Variants in CFAP57 observed in about 807,000 individuals in gnomAD.
CFAP57 encodes the protein cilia- and flagella-associated protein 57.
In CFAP57, 116 loss-of-function variants were observed where a neutral mutation model predicts 146.8. The ratio of observed to expected loss-of-function variants is 0.79; its 90% CI spans 0.68 to 0.92. The LOEUF (loss-of-function observed/expected upper bound fraction) is 0.92. CFAP57 is among the 40% of genes least tolerant of loss of function. The pLI, the probability that CFAP57 is intolerant of heterozygous loss-of-function variation, is 0.00. For missense variants in CFAP57, 1,377 were observed against 1,527.2 expected (o/e 0.90, Z 1.64); for synonymous variants, 518 against 552.8 (o/e 0.94, Z 0.88).
rs372705682 is a variant in CFAP57, at chr1:43,226,881, T to G, written c.2866-102T>G. 1.3e-4 allele frequency: 175 copies of G among 1,325,966 alleles called. 1 individual carries two copies. The African/African-American group carries it at 2.5e-3, about 19-fold the overall frequency. The allele number at this position is 1,325,966 out of a possible 1,614,324, so 82.1% of individuals were successfully genotyped here. On this transcript the variant is annotated intron_variant, in intron 17 of 22. Coordinates refer to ENST00000372492, the MANE Select transcript of CFAP57 (RefSeq NM_001378189.1). Reference sequence around the variant, plus strand: ...GGAGAGGAGTCTCCTGGTTGACCTCTTCAACCAGGAGAGTCACAGGCTTCG... The same window carrying G: ...GGAGAGGAGTCTCCTGGTTGACCTCGTCAACCAGGAGAGTCACAGGCTTCG...
intron 21 of CFAP57, among the ~76,000 whole-genome samples, chr1:43,237,620 G>A (rs1283547040): frequency 6.6e-6 from 1 of 152,224 alleles, no homozygotes; most frequent in Non-Finnish European, 1.5e-5. Context: ...GCCTTGAAGG[G>A]TGAGTAGAGG....
chr1:43,225,387 C>T (rs1190725031), intron 17 of CFAP57, among the ~76,000 whole-genome samples: 4 of 152,186 alleles, frequency 2.6e-5, no homozygotes, highest in Admixed American at 6.5e-5. Context: ...GAATCAACAC[C>T]GCTGCTGTAG....
chr1:43,199,117 A>T (rs1056108770), intron 8 of CFAP57, among the ~76,000 whole-genome samples: 2 of 152,180 alleles, frequency 1.3e-5, no homozygotes, highest in African/African-American at 4.8e-5. Context: ...GCTCTGAAAC[A>T]TGCTTCTACA....
At chr1:43,223,712 G>A (rs1391566076) in intron 16 of CFAP57, among the ~76,000 whole-genome samples, 1 of 152,178 alleles carries the variant, frequency 6.6e-6, no homozygotes, top group Non-Finnish European at 1.5e-5. Flanking sequence ...GTGGATCCCA[G>A]CTTTTCAAGA....
chr1:43,222,062 G>A (rs1645067259), intron 14 of CFAP57, 43 bp from the exon 15 acceptor site: 6 of 1,502,072 alleles, frequency 4.0e-6, no homozygotes, highest in Non-Finnish European at 5.4e-6. Context: ...CCTGAAGCAA[G>A]TGCTGCTCTC....
intron 9 of CFAP57, among the ~76,000 whole-genome samples, chr1:43,205,511 A>G (rs620418): frequency 0.25 from 38,321 of 152,132 alleles, 6,657 homozygotes; most frequent in African/African-American, 0.48. Context: ...GTGTGCACGT[A>G]TGTAAGCCCC....
Position 43,199,491 on chromosome 1 carries a change from A to G in CFAP57, c.1530A>G (p.Gly510=). The G allele has an allele frequency of 1.2e-6, 2 of 1,614,214 alleles. No homozygotes were observed. Among genetic ancestry groups the G allele is most frequent in the Non-Finnish European group, 1.7e-6 (2 of 1,180,036 alleles). Residue 510 remains glycine (G), a synonymous_variant, in exon 9 of 23, where the codon GGA becomes GGG. Coordinates refer to ENST00000372492, the MANE Select transcript of CFAP57 (RefSeq NM_001378189.1). ...TSLENISSLK[G]HTGKIRSIVW... ...TAGAGAACATCTCAAGCCTGAAAGG[A>G]CACACAGGGAAGGTAAGTGAGTGAA...
intron 16 of CFAP57, 47 bp downstream of exon 16, chr1:43,223,044 A>C: frequency 6.0e-6 from 9 of 1,512,378 alleles, no homozygotes; most frequent in South Asian, 1.3e-5. Context: ...AGGGTGTTGC[A>C]GAGAAAGCTG....
Position 43,224,150 on chromosome 1 carries a change from C to T in CFAP57, c.2811C>T (p.Asp937=), listed in dbSNP as rs1165259436. Residue 937 remains aspartate (D), a synonymous_variant, in exon 17 of 23, where the codon GAC becomes GAT. Coordinates refer to ENST00000372492, the MANE Select transcript of CFAP57 (RefSeq NM_001378189.1). Reference sequence around the variant, plus strand: ...GAGTCATTAAGTCTCTGGAGAAGGACATCCAAGGCCTCAAGCGAGAGATCC... The same window carrying T: ...GAGTCATTAAGTCTCTGGAGAAGGATATCCAAGGCCTCAAGCGAGAGATCC... ...LQGVIKSLEK[D]IQGLKREIQE... 4 of 1,550,140 alleles carry T rather than the reference C, an allele frequency of 2.6e-6. No individual in the cohort carries two copies. The highest frequency in any genetic ancestry group is 2.4e-5 in the South Asian group (2 of 83,996).
Position 43,182,363 on chromosome 1 carries a change from A to G in CFAP57, c.474+513A>G, listed in dbSNP as rs376351829. Among the ~76,000 whole-genome samples the G allele has an allele frequency of 4.6e-5, 7 of 152,258 alleles. No homozygotes were observed. In the East Asian group the frequency reaches 1.4e-3, roughly 29 times the overall value. On this transcript the variant is annotated intron_variant, in intron 3 of 22. Transcript: ENST00000372492. ...AGAAGACCCCTCAGGAACCTGATTG[A>G]TGGCTTAGGCAGGGGGTCCCAAGGA... is the stretch of plus-strand genomic sequence containing the variant.
At chr1:43,177,526 A>G (rs908359627) in intron 2 of CFAP57, among the ~76,000 whole-genome samples, 7 of 152,136 alleles carry the variant, frequency 4.6e-5, no homozygotes, top group Admixed American at 2.0e-4. Flanking sequence ...TAGGAAAGGA[A>G]TTTGAGGGTC....
chr1:43,191,352 C>T lies in CFAP57; in HGVS notation c.1122+4493C>T, dbSNP rs555564223. Among the ~76,000 whole-genome samples, 12 of 152,286 alleles carry T rather than the reference C, an allele frequency of 7.9e-5. No homozygotes were observed. The South Asian group carries it at 2.5e-3, about 32-fold the overall frequency. On this transcript the variant is annotated intron_variant, in intron 6 of 22. Coordinates refer to ENST00000372492, the MANE Select transcript of CFAP57 (RefSeq NM_001378189.1). ...CCTGCAATCCCAGCACTTTGGGAGG[C>T]TGAGCCAGGCAGGTCACGAGCTCAG... is the stretch of plus-strand genomic sequence containing the variant.
In CFAP57 at chr1:43,226,976, C is replaced by T. The variant is rs558479426; in HGVS notation, c.2866-7C>T. Reference sequence around the variant, plus strand: ...TATCTCTCACTTCTCTCTCATCTCACCCCCAGGAGAAGCGAATTTATGATC... The same window carrying T: ...TATCTCTCACTTCTCTCTCATCTCATCCCCAGGAGAAGCGAATTTATGATC... On this transcript the variant is annotated splice_region_variant and splice_polypyrimidine_tract_variant and intron_variant, in intron 17 of 22. Coordinates refer to ENST00000372492, the MANE Select transcript of CFAP57 (RefSeq NM_001378189.1). 27 of 1,504,232 alleles carry T rather than the reference C, an allele frequency of 1.8e-5. No homozygotes were observed. Among genetic ancestry groups the T allele is most frequent in the Non-Finnish European group, 2.0e-5 (22 of 1,126,596 alleles). 93.2% of individuals were successfully genotyped at this position (1,504,232 alleles called of 1,614,324 possible). A position where few individuals can be genotyped will look rare whatever the true frequency, so the allele number is the denominator to read the frequency against.
Position 43,178,458 on chromosome 1 carries a change from T to G in CFAP57, c.158-3076T>G, listed in dbSNP as rs183813154. On this transcript the variant is annotated intron_variant, in intron 2 of 22. Coordinates refer to ENST00000372492, the MANE Select transcript of CFAP57 (RefSeq NM_001378189.1). ...AATTTACAAGAAAAAAACAACCCCA[T>G]CAAAAAGTGGGCAAAGGATATGAAC... Among the ~76,000 whole-genome samples, 1,436 of 151,976 alleles carry G rather than the reference T, an allele frequency of 9.4e-3. 26 individuals carry two copies. Among genetic ancestry groups the G allele is most frequent in the African/African-American group, 0.033 (1,362 of 41,432 alleles).
chr1:43,235,359 T>C (rs1278368592), intron 21 of CFAP57, among the ~76,000 whole-genome samples: 1 of 152,214 alleles, frequency 6.6e-6, no homozygotes, highest in Non-Finnish European at 1.5e-5. Context: ...ATCAGTATCA[T>C]CTGAGGCAAT....
chr1:43,198,584 A>G lies in CFAP57; in HGVS notation c.1366A>G (p.Met456Val), dbSNP rs1643968497. 4 of 1,614,174 alleles carry G rather than the reference A, an allele frequency of 2.5e-6. No homozygotes were observed. The highest frequency in any genetic ancestry group is 2.7e-5 in the African/African-American group (2 of 75,058). The change falls in exon 8 of 23, where the codon ATG becomes GTG. Residue 456 changes from methionine (M) to valine (V), a missense_variant. Coordinates refer to ENST00000372492, the MANE Select transcript of CFAP57 (RefSeq NM_001378189.1). ...VVGFADKLRL[M>V]NLLIDDIRSF... ...AGGGTTTGCTGACAAACTACGCCTC[A>G]TGAATCTACTCATTGATGATATACG...
intron 12 of CFAP57, among the ~76,000 whole-genome samples, chr1:43,218,445 A>G (rs658254): frequency 0.87 from 132,096 of 151,752 alleles, 58,328 homozygotes; most frequent in East Asian, 1. Context: ...TACAAAAAAT[A>G]TAAAATATAA....
In CFAP57 at chr1:43,234,315, A is replaced by G. The variant is rs1294786982; in HGVS notation, c.3163A>G (p.Thr1055Ala). The G allele has an allele frequency of 1.3e-6, 2 of 1,550,080 alleles. No individual in the cohort carries two copies. The highest frequency in any genetic ancestry group is 1.7e-6 in the Non-Finnish European group (2 of 1,146,836). Residue 1055 changes from threonine (T) to alanine (A), a missense_variant, in exon 20 of 23, where the codon ACA becomes GCA. By Grantham distance (58) the Thr-to-Ala change is moderately conservative. Transcript: ENST00000372492. ...DLEALVKRFK[T>A]DLHNCVAYIQ... ...GGAAGCGCTGGTCAAAAGGTTTAAA[A>G]CAGACCTCCACAACTGCGTAGCCTA...
chr1:43,232,031 C>T, intron 18 of CFAP57: 1 of 696,066 alleles, frequency 1.4e-6, no homozygotes, highest in South Asian at 1.5e-5. Flanking sequence ...ATGGGTGGTG[C>T]CCACATGTTG....
Sources: gnomAD v4.1 joint callset for allele counts (sites outside exome capture counted in the v4.1 genomes callset) on GRCh38, gnomAD v4.1.1 for gene constraint, MANE v1.5 for transcripts, NCBI Gene and HGNC (gene_info 2026-07-23, HGNC 2026-07-21) for gene names.